SGK3: variants seen among roughly 807,000 people sequenced by gnomAD.
The protein encoded by SGK3 is serum/glucocorticoid regulated kinase family member 3.
SGK3 carries 47 observed loss-of-function variants against 68.5 expected under a neutral mutation model. That is an observed-to-expected ratio of 0.69 (90% CI 0.54 to 0.87). The LOEUF (loss-of-function observed/expected upper bound fraction) is 0.87, where lower values mean the gene tolerates loss of function less well. Among genes scored for constraint, SGK3 ranks in the 40% least tolerant of loss-of-function variants. The pLI, the probability that SGK3 is intolerant of heterozygous loss-of-function variation, is 0.00. For missense variants in SGK3, 479 were observed against 575.5 expected, an observed-to-expected ratio of 0.83 and a Z score of 1.72; for synonymous variants, 181 against 189.1, an observed-to-expected ratio of 0.96 and a Z score of 0.35.
intron 1 of SGK3, among the ~76,000 whole-genome samples, chr8:66,749,323 C>A (rs578000236): frequency 1.2e-3 from 176 of 150,950 alleles, no homozygotes; most frequent in Middle Eastern, 6.8e-3. Flanking sequence ...ACCAGCCTGG[C>A]CAAAATGGTG....
chr8:66,753,337 TACTC>T (rs1805878724), intron 1 of SGK3, among the ~76,000 whole-genome samples: 2 of 152,184 alleles, frequency 1.3e-5, no homozygotes, highest in Non-Finnish European at 2.9e-5. Flanking sequence ...CCTTATGTGA[TACTC>T]ACAACCACCT....
intron 6 of SGK3, among the ~76,000 whole-genome samples, chr8:66,823,896 A>C (rs1808950297): frequency 6.6e-6 from 1 of 152,196 alleles, no homozygotes; most frequent in South Asian, 2.1e-4. Flanking sequence ...ACTTTTAAAC[A>C]ACTATTATTA....
intron 16 of SGK3, among the ~76,000 whole-genome samples, chr8:66,853,862 A>T (rs904564059): frequency 6.6e-6 from 1 of 152,238 alleles, no homozygotes; most frequent in African/African-American, 2.4e-5. Context: ...GTACATTATT[A>T]TATTTTAATC....
chr8:66,839,786 T>G, intron 10 of SGK3: 1 of 487,570 alleles, frequency 2.1e-6, no homozygotes, highest in East Asian at 3.5e-5. Flanking sequence ...TTAGCAAGGG[T>G]AAACAAAGAC....
intron 16 of SGK3, among the ~76,000 whole-genome samples, chr8:66,855,991 CTT>C (rs1386400330): frequency 6.6e-6 from 1 of 152,000 alleles, no homozygotes; most frequent in Non-Finnish European, 1.5e-5. Flanking sequence ...AGTTAAATAA[CTT>C]TTCTCAAAAT....
intron 16 of SGK3, among the ~76,000 whole-genome samples, chr8:66,856,846 A>G (rs906521460): frequency 3.3e-5 from 5 of 152,208 alleles, no homozygotes; most frequent in African/African-American, 1.2e-4. Flanking sequence ...TAATCCAAGC[A>G]CTTTGAGAGG....
Position 66,860,264 on chromosome 8 carries a change from G to A in SGK3, c.*683G>A, listed in dbSNP as rs2130769177. On this transcript the variant is annotated 3_prime_UTR_variant, in exon 17 of 17. Transcript: ENST00000521198. ...GAGGTCAGGAGTTGGAGACCAGCCTGACCAACATGGACAAACCCCGTCTCT... is the reference window on the plus strand; with the variant it reads ...GAGGTCAGGAGTTGGAGACCAGCCTAACCAACATGGACAAACCCCGTCTCT... The A allele has an allele frequency of 6.6e-6, 1 of 152,362 alleles. No individual in the cohort carries two copies. Among genetic ancestry groups the A allele is most frequent in the Admixed American group, 6.5e-5 (1 of 15,298 alleles). 9.4% of individuals were successfully genotyped at this position (152,362 alleles called of 1,614,324 possible).
chr8:66,775,883 C>G (rs1212619086), intron 1 of SGK3, among the ~76,000 whole-genome samples: 1 of 146,120 alleles, frequency 6.8e-6, no homozygotes, highest in East Asian at 1.9e-4. Context: ...TTATTAACTG[C>G]GAAAACTTGG....
At chr8:66,756,347 A>G (rs1805971351) in intron 1 of SGK3, among the ~76,000 whole-genome samples, 1 of 152,130 alleles carries the variant, frequency 6.6e-6, no homozygotes, top group South Asian at 2.1e-4. Context: ...CAAACAAAAA[A>G]TAGAGATGTG....
At chr8:66,740,300 T>C (rs78566572) in intron 1 of SGK3, among the ~76,000 whole-genome samples, 5,632 of 152,216 alleles carry the variant, frequency 0.037, 163 homozygotes, top group African/African-American at 0.069. Context: ...AAGAAAAATG[T>C]GATTTGGTTC....
intron 2 of SGK3, among the ~76,000 whole-genome samples, chr8:66,798,109 AG>A (rs1807776803): frequency 6.6e-6 from 1 of 151,990 alleles, no homozygotes; most frequent in African/African-American, 2.4e-5. Flanking sequence ...CCTGGGCTCA[AG>A]CAATCCTCTT....
intron 5 of SGK3, among the ~76,000 whole-genome samples, chr8:66,817,237 C>T (rs1808626526): frequency 6.6e-6 from 1 of 151,990 alleles, no homozygotes; most frequent in African/African-American, 2.4e-5. Context: ...TGGAGACCAT[C>T]CTGGCCAATA....
At chr8:66,759,909 C>T (rs533504852) in intron 1 of SGK3, among the ~76,000 whole-genome samples, 1 of 152,170 alleles carries the variant, frequency 6.6e-6, no homozygotes, top group South Asian at 2.1e-4. Context: ...TAAAAGGACC[C>T]TTGTCATTGG....
chr8:66,821,335 A>T (rs532001341), intron 5 of SGK3, among the ~76,000 whole-genome samples: 213 of 152,114 alleles, frequency 1.4e-3, no homozygotes, highest in Admixed American at 3.8e-3. Context: ...TATATATATA[A>T]AAATGATACT....
intron 1 of SGK3, among the ~76,000 whole-genome samples, chr8:66,734,961 G>T (rs1320637889): frequency 7.2e-6 from 1 of 138,962 alleles, no homozygotes; most frequent in African/African-American, 3.0e-5. Flanking sequence ...AAAAAAAAAA[G>T]TAGATATGTA....
chr8:66,834,349 C>A (rs1809421092), intron 8 of SGK3, among the ~76,000 whole-genome samples: 1 of 152,108 alleles, frequency 6.6e-6, no homozygotes, highest in South Asian at 2.1e-4. Context: ...CAAAACAGGG[C>A]AAAAGTTATC....
intron 2 of SGK3, among the ~76,000 whole-genome samples, chr8:66,796,348 T>TTTTTTTTTTTTTTTTTTTTTC (rs1209647066): frequency 7.5e-6 from 1 of 133,082 alleles, no homozygotes; most frequent in Non-Finnish European, 1.5e-5. Flanking sequence ...TTTTTTTTTT[T>TTTTTTTTTTTTTTTTTTTTTC]TTTTAGAAGG....
intron 13 of SGK3, among the ~76,000 whole-genome samples, chr8:66,842,979 G>T (rs1192945987): frequency 6.6e-6 from 1 of 152,134 alleles, no homozygotes; most frequent in Non-Finnish European, 1.5e-5. Context: ...GCTGAGGTGG[G>T]AGTATCACCT....
At chr8:66,754,878 A>G (rs1805926274) in intron 1 of SGK3, among the ~76,000 whole-genome samples, 1 of 152,250 alleles carries the variant, frequency 6.6e-6, no homozygotes, top group African/African-American at 2.4e-5. Flanking sequence ...CCAATATGAC[A>G]CACCATTAAT....
Sources: allele counts gnomAD v4.1 joint callset (sites outside exome capture counted in the v4.1 genomes callset), GRCh38; gene constraint gnomAD v4.1.1; transcripts MANE v1.5; gene names NCBI Gene and HGNC (gene_info 2026-07-23, HGNC 2026-07-21).